The following CACNA1A variants were observed in gnomAD, a reference collection of about 807,000 sequenced individuals.
CACNA1A encodes the protein voltage-dependent P/Q-type calcium channel subunit alpha-1A.
CACNA1A carries 57 observed loss-of-function variants against 262.4 expected under a neutral mutation model. That is an observed-to-expected ratio of 0.22 (90% CI 0.18 to 0.27). The LOEUF is 0.27. Ranked by LOEUF, CACNA1A falls within the 10% of genes least tolerant of loss-of-function variation. The pLI is 1.00. For missense variants in CACNA1A, 2,526 were observed against 3,562.8 expected (o/e 0.71, Z 7.41); for synonymous variants, 1,431 against 1,419.3 (o/e 1.01, Z -0.18).
intron 6 of CACNA1A, among the ~76,000 whole-genome samples, chr19:13,336,203 G>A (rs1377694002): frequency 6.6e-6 from 1 of 152,136 alleles, no homozygotes; most frequent in Non-Finnish European, 1.5e-5. Flanking sequence ...GAAGGAGAAG[G>A]AAAAAGTAAA....
At chr19:13,439,962 G>A (rs2060686579) in intron 3 of CACNA1A, among the ~76,000 whole-genome samples, 1 of 152,022 alleles carries the variant, frequency 6.6e-6, no homozygotes, top group Admixed American at 6.6e-5. Context: ...TTTTTTATTA[G>A]TTTGTTTTTT....
intron 28 of CACNA1A, chr19:13,256,454 A>C (rs2056572338): frequency 6.6e-6 from 1 of 152,198 alleles, no homozygotes; most frequent in African/African-American, 2.4e-5. Context: ...GCAAAGAGTC[A>C]TGTCTATACT....
At chr19:13,247,617 G>A (rs954051781) in intron 30 of CACNA1A, among the ~76,000 whole-genome samples, 41 of 148,862 alleles carry the variant, frequency 2.8e-4, no homozygotes, top group African/African-American at 7.4e-4. Flanking sequence ...GGAGAATGGC[G>A]TGAACCTGGG....
In CACNA1A at chr19:13,208,832, T is replaced by C. The variant is rs758639263; in HGVS notation, c.6704A>G (p.His2235Arg). The change falls in exon 46 of 47, where the codon CAC becomes CGC. Residue 2235 changes from histidine to arginine, a missense_variant. By Grantham distance (29) the His-to-Arg change is conservative. Coordinates refer to ENST00000360228, the MANE Select transcript of CACNA1A (RefSeq NM_001127222.2). ...KDRYAQERPD[H>R]GRARARDQRW... ...CTGGTCCCGAGCCCGTGCCCGGCCG[T>C]GGTCCGGCCGTTCCTGGGCATAGCG... is the stretch of plus-strand genomic sequence containing the variant. 10 of 1,528,814 alleles carry C rather than the reference T, an allele frequency of 6.5e-6. No individual in the cohort carries two copies. Among genetic ancestry groups the C allele is most frequent in the Non-Finnish European group, 8.7e-6 (10 of 1,144,540 alleles). The allele number at this position is 1,528,814 out of a possible 1,614,324, so 94.7% of individuals were successfully genotyped here. A position where few individuals can be genotyped will look rare whatever the true frequency, so the allele number is the denominator to read the frequency against.
chr19:13,464,841 C>G (rs1004362155), intron 1 of CACNA1A, among the ~76,000 whole-genome samples: 5 of 151,936 alleles, frequency 3.3e-5, no homozygotes, highest in African/African-American at 7.3e-5. Flanking sequence ...AGCCACTGCG[C>G]CCGGCCAACT....
chr19:13,443,811 T>C (rs2060765308), intron 3 of CACNA1A, among the ~76,000 whole-genome samples: 1 of 152,186 alleles, frequency 6.6e-6, no homozygotes, highest in Non-Finnish European at 1.5e-5. Context: ...AGAAGTGTCC[T>C]AGCAGAGAGG....
intron 10 of CACNA1A, among the ~76,000 whole-genome samples, chr19:13,324,545 G>A (rs2058315422): frequency 6.6e-6 from 1 of 152,074 alleles, no homozygotes; most frequent in African/African-American, 2.4e-5. Context: ...ACATCACACT[G>A]CACTCCATAA....
chr19:13,404,053 G>A (rs753204625), intron 3 of CACNA1A, among the ~76,000 whole-genome samples: 5 of 152,066 alleles, frequency 3.3e-5, no homozygotes, highest in South Asian at 2.1e-4. Flanking sequence ...GGGCAGTAAC[G>A]TAACCTCTCT....
At chr19:13,262,967 GC>G (rs763235965) in intron 24 of CACNA1A, 134 bp from the exon 25 acceptor site, 8 of 684,050 alleles carry the variant, frequency 1.2e-5, no homozygotes, top group Non-Finnish European at 2.2e-5. Flanking sequence ...GCACAGCCCT[GC>G]CCTTCCTGGT....
At chr19:13,371,899 T>G in intron 3 of CACNA1A, 120 bp from the exon 4 acceptor site, 1 of 726,518 alleles carries the variant, frequency 1.4e-6, no homozygotes, top group Non-Finnish European at 2.5e-6. Flanking sequence ...GGCAGGTGAC[T>G]CGACACCACT....
chr19:13,238,209 T>A (rs2055943694), intron 31 of CACNA1A, among the ~76,000 whole-genome samples: 1 of 152,142 alleles, frequency 6.6e-6, no homozygotes, highest in Non-Finnish European at 1.5e-5. Flanking sequence ...AGTTCCCTCT[T>A]CCTGCCTTCC....
At chr19:13,471,414 GT>G (rs1290607580) in intron 1 of CACNA1A, among the ~76,000 whole-genome samples, 1 of 152,068 alleles carries the variant, frequency 6.6e-6, no homozygotes, top group African/African-American at 2.4e-5. Context: ...ATCAGGTAAG[GT>G]TACCCTAAGA....
chr19:13,251,423 C>T (rs1241060172), intron 30 of CACNA1A, among the ~76,000 whole-genome samples: 1 of 152,130 alleles, frequency 6.6e-6, no homozygotes, highest in East Asian at 1.9e-4. Context: ...GTGGAGCTTT[C>T]AGTGAGCCGA....
intron 1 of CACNA1A, among the ~76,000 whole-genome samples, chr19:13,455,775 C>T (rs954656013): frequency 4.1e-5 from 6 of 147,762 alleles, no homozygotes; most frequent in Admixed American, 1.4e-4. Flanking sequence ...GAGGCTGAGG[C>T]GAGAGAATTG....
chr19:13,400,260 G>C (rs1016024028), intron 3 of CACNA1A, among the ~76,000 whole-genome samples: 3 of 152,102 alleles, frequency 2.0e-5, no homozygotes, highest in African/African-American at 7.2e-5. Flanking sequence ...CAAATCAACT[G>C]ATCATGTATA....
chr19:13,254,233 G>A (rs2056481338), intron 29 of CACNA1A, among the ~76,000 whole-genome samples: 1 of 152,088 alleles, frequency 6.6e-6, no homozygotes, highest in Non-Finnish European at 1.5e-5. Context: ...GAAGAGCTGG[G>A]CTTGAATCCA....
chr19:13,481,257 T>C (rs1027155925), intron 1 of CACNA1A, among the ~76,000 whole-genome samples: 1 of 152,112 alleles, frequency 6.6e-6, no homozygotes, highest in African/African-American at 2.4e-5. Context: ...GCTGGCAAAG[T>C]TGGGGAGAGG....
At chr19:13,355,860 G>A (rs997028849) in intron 6 of CACNA1A, among the ~76,000 whole-genome samples, 2 of 152,158 alleles carry the variant, frequency 1.3e-5, no homozygotes, top group Non-Finnish European at 2.9e-5. Context: ...AGTAGCATCC[G>A]TGGCCTTTAC....
rs1011535420 is a variant in CACNA1A, at chr19:13,458,079, G to C, written c.294-2867C>G. On this transcript the variant is annotated intron_variant, in intron 1 of 46. Coordinates refer to ENST00000360228, the MANE Select transcript of CACNA1A (RefSeq NM_001127222.2). ...GTGGCTGCTTAATGTTTTAGAACTA[G>C]ATGAAGGTGACAGTTACACAACATT... Among the ~76,000 whole-genome samples, 7 of 152,162 alleles carry C rather than the reference G, an allele frequency of 4.6e-5. No homozygotes were observed. In the South Asian group the frequency reaches 1.5e-3, roughly 32 times the overall value.
Sources: allele counts gnomAD v4.1 joint callset (sites outside exome capture counted in the v4.1 genomes callset), GRCh38; gene constraint gnomAD v4.1.1; transcripts MANE v1.5; gene names NCBI Gene and HGNC (gene_info 2026-07-23, HGNC 2026-07-21).